The following MYH10 variants were observed in gnomAD, a reference collection of about 807,000 sequenced individuals.
MYH10 encodes the protein myosin-10.
A neutral mutation model predicts 257.8 loss-of-function variants in MYH10; 55 were observed. That is an observed-to-expected ratio of 0.21 (90% confidence interval 0.17 to 0.27). The LOEUF (loss-of-function observed/expected upper bound fraction) is 0.27. MYH10 is among the 10% of genes least tolerant of loss of function. The pLI is 1.00. For synonymous variants in MYH10, 854 were observed against 921.7 expected, an observed-to-expected ratio of 0.93 and a Z score of 1.33; for missense variants, 1,631 against 2,500.6, an observed-to-expected ratio of 0.65 and a Z score of 7.42.
intron 7 of MYH10, among the ~76,000 whole-genome samples, chr17:8,563,404 A>C (rs2083059073): frequency 6.6e-6 from 1 of 152,160 alleles, no homozygotes; most frequent in African/African-American, 2.4e-5. Flanking sequence ...ATAGAGCCTT[A>C]AAAAAAGATA....
In MYH10 at chr17:8,484,297, T is replaced by C. The variant is rs1776833922; in HGVS notation, c.5047-31A>G. 7 of 1,582,632 alleles carry C rather than the reference T, an allele frequency of 4.4e-6. 1 individual carries two copies. The East Asian group carries it at 1.6e-4, about 36-fold the overall frequency. Reference sequence around the variant, plus strand: ...ATTAAATAAGAAGGTTTTGGGGTGGTTTACATTCTTAGTTTTAGTTAAAAT... The same window carrying C: ...ATTAAATAAGAAGGTTTTGGGGTGGCTTACATTCTTAGTTTTAGTTAAAAT... On this transcript the variant is annotated intron_variant, in intron 36 of 42. Coordinates refer to ENST00000360416, the MANE Select transcript of MYH10 (RefSeq NM_001256012.3).
intron 14 of MYH10, among the ~76,000 whole-genome samples, chr17:8,541,208 A>T (rs1475452071): frequency 1.3e-5 from 2 of 152,196 alleles, no homozygotes; most frequent in Non-Finnish European, 2.9e-5. Flanking sequence ...ACCTTCAAAC[A>T]TGAAGAACAC....
chr17:8,563,178 T>C (rs2083052858), intron 7 of MYH10, among the ~76,000 whole-genome samples: 1 of 152,234 alleles, frequency 6.6e-6, no homozygotes, highest in African/African-American at 2.4e-5. Context: ...CTAGGAGTAA[T>C]GAGCTAGCAC....
Position 8,630,289 on chromosome 17 carries a change from C to T in MYH10, c.-32+365G>A, listed in dbSNP as rs916076137. On this transcript the variant is annotated intron_variant, in intron 1 of 42. Coordinates refer to ENST00000360416, the MANE Select transcript of MYH10 (RefSeq NM_001256012.3). ...TCCCACCCACCGAGAACCTGGTCCT[C>T]ACGTCCCCACCCCCAGATCTCCATC... 2.9e-4 allele frequency among the ~76,000 whole-genome samples: 44 copies of T among 151,818 alleles called. No homozygotes were observed. The Middle Eastern group carries it at 0.01, about 35-fold the overall frequency.
chr17:8,616,390 A>G (rs931043491), intron 2 of MYH10, among the ~76,000 whole-genome samples: 43 of 152,340 alleles, frequency 2.8e-4, no homozygotes, highest in African/African-American at 9.4e-4. Flanking sequence ...TATAATAACC[A>G]ATAAGTAAAC....
In MYH10 at chr17:8,545,677, A is replaced by C. The variant is rs2082422035; in HGVS notation, c.1279-77T>G. On this transcript the variant is annotated intron_variant, in intron 12 of 42. Transcript: ENST00000360416. The surrounding 1 kb of genome is among the most constrained non-coding windows in gnomAD (Gnocchi z 4.7). ...ATAAATAGCTGTTTTACGGAATTTA[A>C]TGTTATACAGCACTCAAAAAACCTG... 1.1e-5 allele frequency: 16 copies of C among 1,477,556 alleles called. No individual in the cohort carries two copies. In the South Asian group the frequency reaches 2.0e-4, roughly 19 times the overall value. The allele number at this position is 1,477,556 out of a possible 1,614,324, so 91.5% of individuals were successfully genotyped here.
chr17:8,565,568 T>A (rs2083137587), intron 7 of MYH10, among the ~76,000 whole-genome samples: 1 of 152,256 alleles, frequency 6.6e-6, no homozygotes, highest in Non-Finnish European at 1.5e-5. Flanking sequence ...AAGATATCTC[T>A]GTTTCTTGGT....
chr17:8,581,930 G>A (rs1309762487), intron 4 of MYH10, among the ~76,000 whole-genome samples: 1 of 152,174 alleles, frequency 6.6e-6, no homozygotes, highest in Non-Finnish European at 1.5e-5. Context: ...CTTTAGGCAA[G>A]TTACTCAGTT....
chr17:8,500,747 C>A, intron 29 of MYH10, 79 bp downstream of exon 29: 1 of 1,524,006 alleles, frequency 6.6e-7, no homozygotes, highest in Non-Finnish European at 8.8e-7. Context: ...CATGACTGAA[C>A]AGAACGGGCA....
chr17:8,614,635 A>AT (rs1404170397), intron 2 of MYH10, among the ~76,000 whole-genome samples: 1 of 152,074 alleles, frequency 6.6e-6, no homozygotes, highest in Non-Finnish European at 1.5e-5. Flanking sequence ...TCACTTCTAA[A>AT]TTACCCAGAG....
rs565540702 is a variant in MYH10, at chr17:8,541,642, G to A, written c.1605+465C>T. On this transcript the variant is annotated intron_variant, in intron 14 of 42. Transcript: ENST00000360416. ...AAAATACATCTGACAAGACTTCCCT[G>A]AGAACAAAAACTTCAAATTAAAAAA... 2.6e-5 allele frequency among the ~76,000 whole-genome samples: 4 copies of A among 151,362 alleles called. No homozygotes were observed. In the South Asian group the frequency reaches 6.3e-4, roughly 24 times the overall value.
intron 2 of MYH10, among the ~76,000 whole-genome samples, chr17:8,614,508 A>T (rs7221332): frequency 6.6e-6 from 1 of 151,464 alleles, no homozygotes; most frequent in African/African-American, 2.4e-5. Flanking sequence ...TAGTAGAGAC[A>T]GGGTTTCACC....
chr17:8,502,208 C>T (rs1487533823), intron 28 of MYH10, among the ~76,000 whole-genome samples: 2 of 152,178 alleles, frequency 1.3e-5, no homozygotes, highest in East Asian at 1.9e-4. Context: ...CATGGAGTCA[C>T]GAGATCTGCA....
intron 1 of MYH10, 100 bp from the exon 2 acceptor site, chr17:8,623,377 ACT>A: frequency 8.2e-7 from 1 of 1,224,358 alleles, no homozygotes; most frequent in Non-Finnish European, 1.1e-6. Flanking sequence ...TTAAGCATTA[ACT>A]CTGTGTTAAG....
intron 21 of MYH10, among the ~76,000 whole-genome samples, chr17:8,514,448 G>A (rs1004480855): frequency 2.6e-5 from 4 of 152,034 alleles, no homozygotes; most frequent in Admixed American, 2.0e-4. Flanking sequence ...CTCCTCCAGG[G>A]CCTGGAGATG....
chr17:8,573,822 G>GAA, intron 6 of MYH10: 1 of 973,366 alleles, frequency 1.0e-6, no homozygotes, highest in East Asian at 1.1e-4. Flanking sequence ...TTTTGAAAAT[G>GAA]AAGATGAAAT....
In MYH10 at chr17:8,505,519, T is replaced by G. The variant is rs558647377; in HGVS notation, c.3387-613A>C. Among the ~76,000 whole-genome samples the G allele has an allele frequency of 2.6e-5, 4 of 152,344 alleles. No individual in the cohort carries two copies. The East Asian group carries it at 7.7e-4, about 29-fold the overall frequency. On this transcript the variant is annotated intron_variant, in intron 27 of 42. Transcript: ENST00000360416. ...TGTAACACATTATAAACTCCAAGTA[T>G]TACAACCATGTAGCCAAATAGTTAT... is the stretch of plus-strand genomic sequence containing the variant.
chr17:8,518,981 T>C (rs1180956882), intron 19 of MYH10, 31 bp from the exon 20 acceptor site: 2 of 1,538,300 alleles, frequency 1.3e-6, no homozygotes, highest in Admixed American at 1.9e-5. Context: ...AAGTATTTTG[T>C]AGAAATTTGT....
chr17:8,608,682 C>T (rs975694494), intron 2 of MYH10, among the ~76,000 whole-genome samples: 1 of 152,156 alleles, frequency 6.6e-6, no homozygotes, highest in Non-Finnish European at 1.5e-5. Context: ...GGGAGACATA[C>T]AAAAATATTT....
Sources: allele counts gnomAD v4.1 joint callset (sites outside exome capture counted in the v4.1 genomes callset), GRCh38; gene constraint gnomAD v4.1.1; non-coding constraint Gnocchi (gnomAD v3.1); transcripts MANE v1.5; gene names NCBI Gene and HGNC (gene_info 2026-07-23, HGNC 2026-07-21).